Variants in RNF17 observed in about 807,000 individuals in gnomAD.
The protein encoded by RNF17 is spermatogenesis associated 23.
In RNF17, 31 loss-of-function variants were observed where a neutral mutation model predicts 200.5. That is an observed-to-expected ratio of 0.15 (90% confidence interval 0.12 to 0.21). The LOEUF (loss-of-function observed/expected upper bound fraction) is 0.21. RNF17 is among the 10% of genes least tolerant of loss of function. The pLI, the probability that RNF17 is intolerant of heterozygous loss-of-function variation, is 1.00. For missense variants in RNF17, 1,628 were observed against 1,905.1 expected (o/e 0.85, Z 2.71); for synonymous variants, 606 against 637.8 (o/e 0.95, Z 0.75).
intron 15 of RNF17, among the ~76,000 whole-genome samples, chr13:24,808,246 A>G (rs1341157391): frequency 1.3e-5 from 2 of 151,910 alleles, no homozygotes; most frequent in Non-Finnish European, 2.9e-5. Context: ...CAGTGTGGCC[A>G]TTTTCAGGAT....
intron 15 of RNF17, among the ~76,000 whole-genome samples, chr13:24,820,130 T>A (rs201530355): frequency 6.8e-6 from 1 of 148,056 alleles, no homozygotes; most frequent in African/African-American, 2.5e-5. Context: ...TCTTTTTTTT[T>A]TTTTTTTTTG....
intron 25 of RNF17, among the ~76,000 whole-genome samples, chr13:24,856,441 C>T (rs966322495): frequency 1.5e-4 from 22 of 150,164 alleles, no homozygotes; most frequent in African/African-American, 3.7e-4. Flanking sequence ...AAAAAAAATC[C>T]TTTCTTACTC....
chr13:24,866,999 A>G (rs1593475818), intron 30 of RNF17, among the ~76,000 whole-genome samples: 2 of 152,180 alleles, frequency 1.3e-5, no homozygotes, highest in African/African-American at 4.8e-5. Context: ...TAGACTTGAT[A>G]TGCTTGTCCT....
intron 19 of RNF17, 22 bp downstream of exon 19, chr13:24,842,183 C>T (rs1173033051): frequency 3.2e-6 from 5 of 1,568,176 alleles, no homozygotes; most frequent in Non-Finnish European, 4.3e-6. Context: ...TGTAAACTTT[C>T]ATTGTTAGTT....
upstream of RNF17, among the ~76,000 whole-genome samples, chr13:24,760,988 G>C (rs1026892397): frequency 4.6e-5 from 7 of 152,130 alleles, no homozygotes; most frequent in East Asian, 1.3e-3. Flanking sequence ...TGTTGGCAAG[G>C]ATATGGAGAA....
Position 24,802,423 on chromosome 13 carries a change from A to C in RNF17, c.1801A>C (p.Met601Leu). The C allele has an allele frequency of 3.1e-6, 5 of 1,613,322 alleles. No individual in the cohort carries two copies. Among genetic ancestry groups the C allele is most frequent in the Non-Finnish European group, 4.2e-6 (5 of 1,179,770 alleles). Residue 601 changes from methionine (M) to leucine (L), a missense_variant, in exon 14 of 36, where the codon ATG becomes CTG. By Grantham distance (15) the Met-to-Leu change is conservative. This residue lies in a region of RNF17 where 289 missense variants were observed against 384.9 expected (regional missense o/e 0.75). Coordinates refer to ENST00000255324, the MANE Select transcript of RNF17 (RefSeq NM_031277.3). ...GGAAGCTAAAGTGGAATTTTTGAAAATGGTAAATAACAAGGCTGTTTCAAT... is the reference window on the plus strand; with the variant it reads ...GGAAGCTAAAGTGGAATTTTTGAAACTGGTAAATAACAAGGCTGTTTCAAT... ...EEEAKVEFLKMVNNKAVSMKV... is the reference protein window; with the variant it reads ...EEEAKVEFLKLVNNKAVSMKV...
At chr13:24,873,264 T>G (rs1894489237) in intron 32 of RNF17, among the ~76,000 whole-genome samples, 2 of 152,204 alleles carry the variant, frequency 1.3e-5, no homozygotes, top group South Asian at 4.1e-4. Context: ...ACTCTGGGAA[T>G]GGGAGAAATG....
intron 28 of RNF17, 108 bp from the exon 29 acceptor site, chr13:24,864,761 ACTGT>A: frequency 3.9e-6 from 3 of 759,604 alleles, no homozygotes; most frequent in Non-Finnish European, 6.4e-6. Context: ...CACTAGCCAA[ACTGT>A]CTAGTTAATA....
intron 15 of RNF17, among the ~76,000 whole-genome samples, chr13:24,810,771 A>G (rs370539849): frequency 0.016 from 2,300 of 145,042 alleles, 45 homozygotes; most frequent in East Asian, 0.059. Context: ...ATTTTGCAGC[A>G]GCTGGTACCG....
chr13:24,763,271 C>T (rs1878976900), upstream of RNF17, among the ~76,000 whole-genome samples: 1 of 149,802 alleles, frequency 6.7e-6, no homozygotes, highest in African/African-American at 2.5e-5. Context: ...GGTATGATCT[C>T]GGCTCACTGC....
intron 10 of RNF17, 98 bp from the exon 11 acceptor site, chr13:24,796,039 C>T: frequency 1.2e-6 from 1 of 865,000 alleles, no homozygotes; most frequent in Non-Finnish European, 1.7e-6. Flanking sequence ...TTCACAATGC[C>T]ATAAGACACT....
At chr13:24,848,573 G>C (rs1891505085) in intron 22 of RNF17, among the ~76,000 whole-genome samples, 1 of 152,126 alleles carries the variant, frequency 6.6e-6, no homozygotes, top group Non-Finnish European at 1.5e-5. Flanking sequence ...GAGGTAGGGA[G>C]AATTGCTTGA....
chr13:24,780,338 G>GA (rs1390518214), intron 5 of RNF17, among the ~76,000 whole-genome samples: 4 of 152,046 alleles, frequency 2.6e-5, no homozygotes, highest in African/African-American at 9.7e-5. Flanking sequence ...GAGAAAAGGG[G>GA]AAAAAATAAT....
downstream of RNF17, among the ~76,000 whole-genome samples, chr13:24,880,097 T>C (rs1245507473): frequency 6.6e-6 from 1 of 152,188 alleles, no homozygotes; most frequent in African/African-American, 2.4e-5. Context: ...CTTATACTGC[T>C]ATAAAGAACT....
upstream of RNF17, chr13:24,764,006 G>T: frequency 2.2e-6 from 1 of 452,384 alleles, no homozygotes; most frequent in East Asian, 3.1e-5. Context: ...ACGGCCACAA[G>T]GCGCCCCTTC....
chr13:24,881,667 A>G (rs1953823035), downstream of RNF17, among the ~76,000 whole-genome samples: 1 of 149,944 alleles, frequency 6.7e-6, no homozygotes, highest in African/African-American at 2.4e-5. Flanking sequence ...GATAACCTAT[A>G]TATATCTATC....
At chr13:24,883,672 A>G (rs1453769627), downstream of RNF17, among the ~76,000 whole-genome samples, 3 of 152,174 alleles carry the variant, frequency 2.0e-5, no homozygotes, top group Admixed American at 2.0e-4. Context: ...TAATTTAAAA[A>G]CCATCTGAGT....
chr13:24,830,401 T>A, intron 16 of RNF17, 83 bp from the exon 17 acceptor site: 1 of 747,378 alleles, frequency 1.3e-6, no homozygotes, highest in Non-Finnish European at 2.3e-6. Context: ...AGTATTCTAA[T>A]CTAGTTGGCC....
At chr13:24,768,203 A>G (rs1288173298) in intron 2 of RNF17, among the ~76,000 whole-genome samples, 2 of 152,060 alleles carry the variant, frequency 1.3e-5, no homozygotes, top group East Asian at 3.8e-4. Flanking sequence ...AATTTACTTG[A>G]TATCCTATTC....
Sources: allele counts gnomAD v4.1 joint callset (sites outside exome capture counted in the v4.1 genomes callset), GRCh38; gene constraint gnomAD v4.1.1; regional missense constraint gnomAD v4.1.1; transcripts MANE v1.5; gene names NCBI Gene and HGNC (gene_info 2026-07-23, HGNC 2026-07-21).